The following RGS12 variants were observed in gnomAD, a reference collection of about 807,000 sequenced individuals.
RGS12 encodes regulator of G protein signaling 12.
A neutral mutation model predicts 120.1 loss-of-function variants in RGS12; 66 were observed. That is an observed-to-expected ratio of 0.55 (90% CI 0.45 to 0.67). The LOEUF (loss-of-function observed/expected upper bound fraction) is 0.67. Ranked by LOEUF, RGS12 falls within the 30% of genes least tolerant of loss-of-function variation. The pLI, the probability that RGS12 is intolerant of heterozygous loss-of-function variation, is 0.00. For missense variants in RGS12, 1,859 were observed against 1,957.7 expected (o/e 0.95, Z 0.95); for synonymous variants, 827 against 804.7 (o/e 1.03, Z -0.47).
intron 2 of RGS12, 67 bp from the exon 3 acceptor site, chr4:3,342,870 T>C (rs1398801741): frequency 9.9e-7 from 1 of 1,014,882 alleles, no homozygotes; most frequent in Non-Finnish European, 1.6e-6. Context: ...TGCTATGCCA[T>C]GCATTGGACA....
chr4:3,386,879 G>C (rs1243903333), intron 4 of RGS12, among the ~76,000 whole-genome samples: 2 of 152,208 alleles, frequency 1.3e-5, no homozygotes, highest in Non-Finnish European at 2.9e-5. Context: ...TAGACGAATT[G>C]AGAGTGTGGG....
chr4:3,416,973 G>A lies in RGS12; in HGVS notation c.2488G>A (p.Glu830Lys). Residue 830 changes from glutamate (E) to lysine (K), a missense_variant, in exon 8 of 18, where the codon GAA (glutamate) becomes AAA (lysine). By Grantham distance (56) the Glu-to-Lys change is moderately conservative. Around this residue, in one of 3 missense-constraint regions of RGS12, gnomAD observed 375 missense variants for 475.0 expected, o/e 0.79. Coordinates refer to ENST00000336727, the MANE Select transcript of RGS12 (RefSeq NM_001394154.1). ...TRFLKSPLYQ[E>K]CILAEVEGRA... ...CTTTCTGAAGTCCCCGCTGTACCAG[G>A]AATGCATCCTGGCGGAAGTGGAGGG... 1 of 1,613,230 alleles carries A rather than the reference G, an allele frequency of 6.2e-7. No homozygotes were observed.
At chr4:3,358,364 A>G (rs1476968912) in intron 3 of RGS12, among the ~76,000 whole-genome samples, 1 of 152,190 alleles carries the variant, frequency 6.6e-6, no homozygotes, top group East Asian at 1.9e-4. Flanking sequence ...AACTTACAGT[A>G]CTGTGTTGAA....
At chr4:3,429,216 A>G (rs1450665927) in intron 16 of RGS12, among the ~76,000 whole-genome samples, 1 of 152,256 alleles carries the variant, frequency 6.6e-6, no homozygotes, top group Admixed American at 6.5e-5. Flanking sequence ...CCTGGCCTCC[A>G]GGAGAGACAA....
In RGS12 at chr4:3,317,418, C is replaced by T. The variant is rs1381127847; in HGVS notation, c.1248C>T (p.Asn416=). Residue 416 remains asparagine (N), a synonymous_variant, in exon 2 of 18, where the codon AAC becomes AAT. Coordinates refer to ENST00000336727, the MANE Select transcript of RGS12 (RefSeq NM_001394154.1). ...GGGACGCCGATGCCCACCAGAACAA[C>T]AGCACCAGCAGCAACAGTGACAGCG... ...LDGDADAHQN[N]STSSNSDSGI... 6.2e-7 allele frequency: 1 copy of T among 1,613,966 alleles called. No homozygotes were observed. The highest frequency in any genetic ancestry group is 1.7e-5 in the Admixed American group (1 of 60,012).
rs910383868 is a variant in RGS12 at position 3,390,292 on chromosome 4, G to C, written c.2020+3855G>C. Reference sequence around the variant, plus strand: ...CTTCCATCATTTTAATTATTCATCTGTGTTGGTGCTTTTGTCCCCCCAGCT... The same window carrying C: ...CTTCCATCATTTTAATTATTCATCTCTGTTGGTGCTTTTGTCCCCCCAGCT... On this transcript the variant is annotated intron_variant, in intron 4 of 17. Transcript: ENST00000336727. This position sits in a 1 kb window ranked among gnomAD's most constrained non-coding sequence, Gnocchi z 4.6. Among the ~76,000 whole-genome samples the C allele has an allele frequency of 4.7e-4, 71 of 152,286 alleles. No individual in the cohort carries two copies. Among genetic ancestry groups the C allele is most frequent in the African/African-American group, 1.7e-3 (69 of 41,550 alleles).
chr4:3,295,211 CG>C (rs1326351001), intron 1 of RGS12, among the ~76,000 whole-genome samples: 4 of 151,924 alleles, frequency 2.6e-5, no homozygotes, highest in Non-Finnish European at 5.9e-5. Flanking sequence ...GTGGGAAGGT[CG>C]GGGGTAGAGG....
At chr4:3,350,840 CATGTAGATG>C (rs1276664210) in intron 3 of RGS12, among the ~76,000 whole-genome samples, 1 of 152,148 alleles carries the variant, frequency 6.6e-6, no homozygotes, top group Non-Finnish European at 1.5e-5. Context: ...CAGATTTTAT[CATGTAGATG>C]TAACATACAA....
At chr4:3,431,426 CTCG>C in intron 17 of RGS12, 2 of 998,282 alleles carry the variant, frequency 2.0e-6, no homozygotes, top group South Asian at 8.8e-5. Context: ...CAGGCCCGTC[CTCG>C]GAAGAGCCTT....
chr4:3,342,984 C>G lies in RGS12; in HGVS notation c.1929C>G (p.Arg643=). 6.2e-7 allele frequency: 1 copy of G among 1,613,908 alleles called. No homozygotes were observed. Residue 643 remains arginine, a synonymous_variant, in exon 3 of 18, where the codon CGC becomes CGG. Coordinates refer to ENST00000336727, the MANE Select transcript of RGS12 (RefSeq NM_001394154.1). ...CTGGACTCACTCAGCCTTCTCAACG[C>G]ACGTCTGCTCGGAGATCATTTGGGA... ...RGTGLTQPSQ[R]TSARRSFGRS... is the part of the protein sequence containing the mutation.
intron 1 of RGS12, among the ~76,000 whole-genome samples, chr4:3,308,443 T>G (rs1028535192): frequency 6.6e-6 from 1 of 152,236 alleles, no homozygotes; most frequent in Non-Finnish European, 1.5e-5. Context: ...CCTCCCCGTT[T>G]GCAGATTGTA....
intron 4 of RGS12, among the ~76,000 whole-genome samples, chr4:3,399,140 T>G (rs1720337977): frequency 1.3e-5 from 2 of 152,190 alleles, no homozygotes; most frequent in Admixed American, 1.3e-4. Flanking sequence ...ATCAAAGTGA[T>G]TTTCAGTGAA....
At chr4:3,431,120 G>A (rs916909982) in intron 17 of RGS12, 165 bp downstream of exon 17, 6 of 1,435,752 alleles carry the variant, frequency 4.2e-6, no homozygotes, top group African/African-American at 2.9e-5. Flanking sequence ...TTGGAAAGGA[G>A]GGGCTCGTGT....
In RGS12 at chr4:3,323,396, C is replaced by T. The variant is rs528694332; in HGVS notation, c.1881+5345C>T. Reference sequence around the variant, plus strand: ...GCTGCTGCCTCTGCCCCGCTCCGCGCGGGGAGCTGCAGTTCAGAGTTCGCT... The same window carrying T: ...GCTGCTGCCTCTGCCCCGCTCCGCGTGGGGAGCTGCAGTTCAGAGTTCGCT... On this transcript the variant is annotated intron_variant, in intron 2 of 17. Transcript: ENST00000336727. Among the ~76,000 whole-genome samples the T allele has an allele frequency of 8.2e-4, 125 of 152,350 alleles. 1 individual carries two copies. In the Middle Eastern group the frequency reaches 0.02, roughly 25 times the overall value.
At chr4:3,429,299 C>G (rs1723995219) in intron 16 of RGS12, among the ~76,000 whole-genome samples, 1 of 152,182 alleles carries the variant, frequency 6.6e-6, no homozygotes. Context: ...AAGTTTATAA[C>G]AAGGAGAAGC....
chr4:3,398,444 G>A (rs567122781), intron 4 of RGS12, among the ~76,000 whole-genome samples: 6 of 152,252 alleles, frequency 3.9e-5, no homozygotes, highest in African/African-American at 1.4e-4. Context: ...ACCAGCCTGG[G>A]CAATATAGTT....
At position 3,355,667 on chromosome 4, in the gene RGS12, C is replaced by A. The variant is rs141301614; in HGVS notation, c.1998+12614C>A. ...AAAGTTAGCCGGGTATGGTGGTATG[C>A]GCCCATAGTCCCAGCTGCTTGTGGG... On this transcript the variant is annotated intron_variant, in intron 3 of 17. Coordinates refer to ENST00000336727, the MANE Select transcript of RGS12 (RefSeq NM_001394154.1). 4.2e-4 allele frequency among the ~76,000 whole-genome samples: 63 copies of A among 151,296 alleles called. 1 individual carries two copies. Among genetic ancestry groups the A allele is most frequent in the Middle Eastern group, 3.5e-3 (1 of 288 alleles).
At chr4:3,367,861 G>A (rs1716492477) in intron 3 of RGS12, among the ~76,000 whole-genome samples, 1 of 152,252 alleles carries the variant, frequency 6.6e-6, no homozygotes, top group African/African-American at 2.4e-5. Flanking sequence ...AGGCCCTGTT[G>A]TTAGTGACCG....
rs759940010 is a variant in RGS12, at chr4:3,317,501, G to A, written c.1331G>A (p.Gly444Asp). The A allele has an allele frequency of 5.6e-6, 9 of 1,613,242 alleles. No individual in the cohort carries two copies. The highest frequency in any genetic ancestry group is 7.6e-6 in the Non-Finnish European group (9 of 1,180,022). The part of the protein sequence containing the change: ...KSNRVLVVDL[G>D]GSSSRHGPGG... ...AACCGGGTCCTTGTGGTGGACCTGG[G>A]TGGGAGCTCGAGCAGACACGGCCCC... Residue 444 changes from glycine (G) to aspartate (D), a missense_variant, in exon 2 of 18, where the codon GGT (glycine) becomes GAT (aspartate). Coordinates refer to ENST00000336727, the MANE Select transcript of RGS12 (RefSeq NM_001394154.1).
Sources: gnomAD v4.1 joint callset for allele counts (sites outside exome capture counted in the v4.1 genomes callset) on GRCh38, gnomAD v4.1.1 for gene constraint, gnomAD v4.1.1 regional missense constraint, Gnocchi (gnomAD v3.1) non-coding constraint, MANE v1.5 for transcripts, NCBI Gene and HGNC (gene_info 2026-07-23, HGNC 2026-07-21) for gene names.